ARNT: variants seen among roughly 807,000 people sequenced by gnomAD.
The protein encoded by ARNT is class E basic helix-loop-helix protein 2.
In ARNT, 30 loss-of-function variants were observed where a neutral mutation model predicts 105.0. The ratio of observed to expected loss-of-function variants is 0.29; its 90% confidence interval spans 0.21 to 0.39. ARNT has a LOEUF of 0.39. Among genes scored for constraint, ARNT ranks in the 10% least tolerant of loss-of-function variants. The pLI is 1.00. For missense variants in ARNT, 748 were observed against 978.7 expected (o/e 0.76, Z 3.15); for synonymous variants, 304 against 344.0 (o/e 0.88, Z 1.29).
chr1:150,821,934 C>T (rs1470596126), intron 14 of ARNT, among the ~76,000 whole-genome samples: 1 of 147,854 alleles, frequency 6.8e-6, no homozygotes, highest in Non-Finnish European at 1.5e-5. Context: ...GGTATCCCAA[C>T]TTGGTATCCC....
chr1:150,861,456 C>T (rs1665619560), intron 1 of ARNT, among the ~76,000 whole-genome samples: 1 of 152,210 alleles, frequency 6.6e-6, no homozygotes, highest in African/African-American at 2.4e-5. Flanking sequence ...CACAGAAGTA[C>T]TATTCAACAG....
chr1:150,823,123 G>A, intron 14 of ARNT, 71 bp downstream of exon 14: 1 of 1,362,790 alleles, frequency 7.3e-7, no homozygotes, highest in Non-Finnish European at 9.7e-7. Flanking sequence ...CCCCACATAG[G>A]GCATCAGAAG....
In ARNT at chr1:150,816,806, C is replaced by CG; in HGVS notation, c.1783dup (p.Arg595ProfsTer9). 1 of 1,582,166 alleles carries CG rather than the reference C, an allele frequency of 6.3e-7. No homozygotes were observed. The highest frequency in any genetic ancestry group is 1.2e-5 in the South Asian group (1 of 86,030). On this transcript the variant is annotated frameshift_variant, in exon 18 of 22. Coordinates refer to ENST00000358595, the MANE Select transcript of ARNT (RefSeq NM_001668.4). LOFTEE classifies it high-confidence loss of function. ...GGCTCACCTGAAATTCTCTGCCGGC[C>CG]GGGGGGTAGGAGGGAATGTGTTGCC...
chr1:150,817,643 A>G (rs1656172959), intron 15 of ARNT, among the ~76,000 whole-genome samples: 1 of 152,048 alleles, frequency 6.6e-6, no homozygotes, highest in African/African-American at 2.4e-5. Flanking sequence ...CCCCGTCTCT[A>G]CTAAAAATAC....
intron 13 of ARNT, among the ~76,000 whole-genome samples, chr1:150,824,019 T>G (rs2101726757): frequency 6.6e-6 from 1 of 150,502 alleles, no homozygotes; most frequent in East Asian, 2.0e-4. Flanking sequence ...ATTTTTGTAT[T>G]TTTAGTATAG....
chr1:150,855,484 C>T (rs1664425910), intron 2 of ARNT, among the ~76,000 whole-genome samples: 1 of 151,704 alleles, frequency 6.6e-6, no homozygotes. Flanking sequence ...ATAGCATGAA[C>T]CCAGGAGGCG....
chr1:150,815,782 T>C (rs779111907), intron 19 of ARNT, among the ~76,000 whole-genome samples: 43 of 146,182 alleles, frequency 2.9e-4, no homozygotes, highest in Non-Finnish European at 5.9e-4. Context: ...GAGAATGGCG[T>C]GAACCCGGGA....
chr1:150,839,606 G>T lies in ARNT; in HGVS notation c.321C>A (p.Ala107=), dbSNP rs1203311302. 6.2e-7 allele frequency: 1 copy of T among 1,614,042 alleles called. No individual in the cohort carries two copies. The highest frequency in any genetic ancestry group is 8.5e-7 in the Non-Finnish European group (1 of 1,180,024). ...IERRRRNKMT[A]YITELSDMVP... Reference sequence around the variant, plus strand: ...CCATATCTGACAGTTCTGTGATGTAGGCTGTCATCTTGTTCCGTCGCCGCC... The same window carrying T: ...CCATATCTGACAGTTCTGTGATGTATGCTGTCATCTTGTTCCGTCGCCGCC... Residue 107 remains alanine, a synonymous_variant, in exon 6 of 22, where the codon GCC becomes GCA. Coordinates refer to ENST00000358595, the MANE Select transcript of ARNT (RefSeq NM_001668.4).
intron 4 of ARNT, among the ~76,000 whole-genome samples, chr1:150,844,431 C>A (rs1017487786): frequency 6.6e-6 from 1 of 152,104 alleles, no homozygotes; most frequent in Non-Finnish European, 1.5e-5. Context: ...TAATTCAAAG[C>A]CTGAGATTGC....
chr1:150,858,571 G>T, intron 1 of ARNT, 111 bp from the exon 2 acceptor site: 4 of 825,982 alleles, frequency 4.8e-6, no homozygotes, highest in Non-Finnish European at 7.4e-6. Context: ...AATCTCAGCA[G>T]TTTGCTAAAA....
intron 1 of ARNT, chr1:150,861,422 A>C (rs751002810): frequency 7.3e-6 from 2 of 273,172 alleles, no homozygotes; most frequent in Non-Finnish European, 7.3e-6. Context: ...CAGGGTCTCA[A>C]AGAAACATTT....
At chr1:150,870,948 CT>C (rs920605226) in intron 1 of ARNT, among the ~76,000 whole-genome samples, 17 of 151,680 alleles carry the variant, frequency 1.1e-4, no homozygotes, top group African/African-American at 3.6e-4. Context: ...AGGAGGATTG[CT>C]TGAGCCCAGG....
intron 8 of ARNT, among the ~76,000 whole-genome samples, 159 bp downstream of exon 8, chr1:150,834,379 G>C (rs1165088222): frequency 2.6e-5 from 4 of 152,214 alleles, no homozygotes; most frequent in Non-Finnish European, 5.9e-5. Flanking sequence ...AGAAACGTTA[G>C]TTCCCTTTCC....
At chr1:150,851,045 C>T (rs2102156339) in intron 3 of ARNT, among the ~76,000 whole-genome samples, 1 of 151,082 alleles carries the variant, frequency 6.6e-6, no homozygotes, top group Admixed American at 6.6e-5. Flanking sequence ...GCCCCTCCGC[C>T]CGGCAGCCGC....
intron 1 of ARNT, among the ~76,000 whole-genome samples, chr1:150,868,185 T>C (rs1351555421): frequency 6.6e-6 from 1 of 151,848 alleles, no homozygotes; most frequent in Non-Finnish European, 1.5e-5. Flanking sequence ...CCGGGCACTG[T>C]GGTGTACACT....
At chr1:150,823,849 C>CT (rs1243886298) in intron 13 of ARNT, among the ~76,000 whole-genome samples, 156 of 122,916 alleles carry the variant, frequency 1.3e-3, no homozygotes, top group African/African-American at 2.6e-3. Flanking sequence ...CGTGCCCAGA[C>CT]TTTTTTTTTT....
chr1:150,871,406 T>C (rs1667418004), intron 1 of ARNT, among the ~76,000 whole-genome samples: 1 of 150,286 alleles, frequency 6.7e-6, no homozygotes. Flanking sequence ...GTTCAAGCGA[T>C]TCTCCCGCCT....
At chr1:150,856,886 A>AG (rs1428201778) in intron 2 of ARNT, among the ~76,000 whole-genome samples, 1 of 151,854 alleles carries the variant, frequency 6.6e-6, no homozygotes, top group Non-Finnish European at 1.5e-5. Flanking sequence ...CTTGAGCAGG[A>AG]GTTTGAGGCT....
rs752945065 is a variant in ARNT at position 150,839,529 on chromosome 1, C to T, written c.398G>A (p.Arg133His). 1.2e-6 allele frequency: 2 copies of T among 1,614,048 alleles called. No individual in the cohort carries two copies. The highest frequency in any genetic ancestry group is 1.3e-5 in the African/African-American group (1 of 74,920). The change falls in exon 6 of 22, where the codon CGC becomes CAC. Residue 133 changes from arginine (R) to histidine (H), a missense_variant. By Grantham distance (29) the Arg-to-His change is conservative. This residue lies in a region of ARNT where 291 missense variants were observed against 444.6 expected (regional missense o/e 0.65). Coordinates refer to ENST00000358595, the MANE Select transcript of ARNT (RefSeq NM_001668.4). Reference protein sequence around the residue: ...ARKPDKLTILRMAVSHMKSLR... With the variant: ...ARKPDKLTILHMAVSHMKSLR... ...GGACTTCATGTGAGAAACTGCCATG[C>T]GTAAGATGGTTAGCTTGTCTGGTTT...
Sources: allele counts gnomAD v4.1 joint callset (sites outside exome capture counted in the v4.1 genomes callset), GRCh38; gene constraint gnomAD v4.1.1; regional missense constraint gnomAD v4.1.1; transcripts MANE v1.5; gene names NCBI Gene and HGNC (gene_info 2026-07-23, HGNC 2026-07-21).